Variants in LARP4B observed in about 807,000 individuals in gnomAD.
LARP4B encodes la-related protein 4B.
A neutral mutation model predicts 89.8 loss-of-function variants in LARP4B; 12 were observed. The ratio of observed to expected loss-of-function variants is 0.13; its 90% CI spans 0.09 to 0.22. LARP4B has a LOEUF of 0.22. Among genes scored for constraint, LARP4B ranks in the 10% least tolerant of loss-of-function variants. The probability of loss-of-function intolerance (pLI) is 1.00; values close to 1 mark genes in which losing one functional copy is unlikely to be tolerated. For synonymous variants in LARP4B, 367 were observed against 363.3 expected (o/e 1.01, Z -0.12); for missense variants, 757 against 947.7 (o/e 0.80, Z 2.64).
intron 1 of LARP4B, among the ~76,000 whole-genome samples, chr10:930,923 G>C (rs919408514): frequency 1.3e-5 from 2 of 150,734 alleles, no homozygotes; most frequent in Non-Finnish European, 3.0e-5. Context: ...CACTGCGGGT[G>C]CCGGCGCCCG....
chr10:808,520 T>C (rs529214899), downstream of LARP4B: 8 of 152,102 alleles, frequency 5.3e-5, no homozygotes, highest in African/African-American at 1.4e-4. Flanking sequence ...CAGTGTAGAA[T>C]AGAGACCCTA....
chr10:844,551 T>C (rs897422949), intron 6 of LARP4B, among the ~76,000 whole-genome samples: 2 of 152,286 alleles, frequency 1.3e-5, no homozygotes, highest in African/African-American at 2.4e-5. Flanking sequence ...AGTTCTGCCA[T>C]TGGAACTTTA....
At chr10:813,840 C>A (rs1198859302) in intron 17 of LARP4B, among the ~76,000 whole-genome samples, 1 of 146,078 alleles carries the variant, frequency 6.8e-6, no homozygotes, top group Non-Finnish European at 1.5e-5. Context: ...CTCACTCTGT[C>A]GCACAGGCTG....
chr10:833,278 A>AAC (rs1833015880), intron 8 of LARP4B, among the ~76,000 whole-genome samples: 1 of 142,678 alleles, frequency 7.0e-6, no homozygotes, highest in Non-Finnish European at 1.6e-5. Context: ...AAAAAAAAAA[A>AAC]AAAAAACCTC....
At chr10:975,618 C>T in the LARP4B span, among the ~76,000 whole-genome samples, 4 of 152,208 alleles carry the variant, frequency 2.6e-5, no homozygotes, top group Non-Finnish European at 4.4e-5. Flanking sequence ...TTGGGGTGGA[C>T]GTGACAGAAG....
chr10:957,204 C>T, the LARP4B span, among the ~76,000 whole-genome samples: 9 of 152,190 alleles, frequency 5.9e-5, no homozygotes, highest in East Asian at 1.5e-3. Flanking sequence ...GCTGTGTCAC[C>T]CAGGCTGGAG....
At chr10:842,325 G>A (rs1338708798) in intron 7 of LARP4B, among the ~76,000 whole-genome samples, 1 of 151,902 alleles carries the variant, frequency 6.6e-6, no homozygotes, top group Non-Finnish European at 1.5e-5. Context: ...AGCCTCTCAA[G>A]TACCTGGGAT....
chr10:951,410 T>C, the LARP4B span, among the ~76,000 whole-genome samples: 1 of 151,924 alleles, frequency 6.6e-6, no homozygotes, highest in Non-Finnish European at 1.5e-5. Context: ...TAGCTGGGCA[T>C]GGTGGTGGGT....
intron 5 of LARP4B, among the ~76,000 whole-genome samples, chr10:860,490 G>A (rs1015423793): frequency 3.3e-5 from 5 of 152,126 alleles, no homozygotes; most frequent in African/African-American, 1.2e-4. Context: ...CAAGAGAAAT[G>A]AAAACATATG....
chr10:868,465 C>T (rs1389690958), intron 3 of LARP4B, among the ~76,000 whole-genome samples: 4 of 150,860 alleles, frequency 2.7e-5, no homozygotes, highest in South Asian at 2.1e-4. Context: ...AACGTGGTAA[C>T]GCTTCGTATG....
intron 1 of LARP4B, among the ~76,000 whole-genome samples, chr10:907,493 A>G (rs916772001): frequency 1.1e-4 from 16 of 152,202 alleles, no homozygotes; most frequent in African/African-American, 3.9e-4. Context: ...TGCACCTGGG[A>G]TCTAAACATA....
rs546370798 is a variant in LARP4B, at chr10:892,871, C to T, written c.-39-7111G>A. Reference sequence around the variant, plus strand: ...TGTTAATTTAAAGGACAGCTATTTACGCAGAAAACCCTACAAATTCACCAA... The same window carrying T: ...TGTTAATTTAAAGGACAGCTATTTATGCAGAAAACCCTACAAATTCACCAA... On this transcript the variant is annotated intron_variant, in intron 1 of 17. Coordinates refer to ENST00000316157, the MANE Select transcript of LARP4B (RefSeq NM_015155.3). 5.4e-5 allele frequency among the ~76,000 whole-genome samples: 8 copies of T among 147,388 alleles called. No homozygotes were observed. The East Asian group carries it at 1.2e-3, about 23-fold the overall frequency.
At chr10:874,131 G>A (rs1217898935) in intron 3 of LARP4B, among the ~76,000 whole-genome samples, 5 of 151,996 alleles carry the variant, frequency 3.3e-5, no homozygotes, top group African/African-American at 4.8e-5. Context: ...CTACTCGGAA[G>A]GCTGAGGCAG....
intron 1 of LARP4B, 128 bp downstream of exon 1, chr10:931,300 C>CGGCCCA (rs1156616329): frequency 6.6e-6 from 1 of 152,002 alleles, no homozygotes; most frequent in Non-Finnish European, 1.5e-5. Context: ...GCCCCGGCCC[C>CGGCCCA]GGCCCAGGCC....
rs7080503 is a variant in LARP4B, at chr10:815,950, C to T, written c.1696-880G>A. Among the ~76,000 whole-genome samples, 54 of 152,334 alleles carry T rather than the reference C, an allele frequency of 3.5e-4. No individual in the cohort carries two copies. The East Asian group carries it at 4.4e-3, about 13-fold the overall frequency. The stretch of plus-strand genomic sequence containing the variant: ...CTCATTTTAAATTCAGGGTAGGGGC[C>T]GGGCACGGTGGCTCACGCCTATAAT... On this transcript the variant is annotated intron_variant, in intron 15 of 17. Transcript: ENST00000316157.
intron 1 of LARP4B, among the ~76,000 whole-genome samples, chr10:898,038 T>C (rs1836240733): frequency 6.7e-6 from 1 of 148,806 alleles, no homozygotes; most frequent in Admixed American, 6.7e-5. Flanking sequence ...GAACGAACAT[T>C]TTCCCAAAGA....
chr10:972,083 A>C, the LARP4B span: 9 of 196,484 alleles, frequency 4.6e-5, no homozygotes, highest in African/African-American at 2.1e-4. Flanking sequence ...GGAGTAGTGC[A>C]GTAGTGCAAT....
chr10:965,102 C>T, the LARP4B span, among the ~76,000 whole-genome samples: 2 of 152,160 alleles, frequency 1.3e-5, no homozygotes, highest in East Asian at 1.9e-4. Flanking sequence ...TAGGTCCTCG[C>T]GGCTCAGCAC....
chr10:876,824 T>C (rs1250852027), intron 3 of LARP4B, among the ~76,000 whole-genome samples: 4 of 152,208 alleles, frequency 2.6e-5, no homozygotes, highest in Non-Finnish European at 5.9e-5. Context: ...TCTGCTCCTG[T>C]GACAAGTCTC....
Sources: allele counts gnomAD v4.1 joint callset (sites outside exome capture counted in the v4.1 genomes callset), GRCh38; gene constraint gnomAD v4.1.1; transcripts MANE v1.5; gene names NCBI Gene and HGNC (gene_info 2026-07-23, HGNC 2026-07-21).